Variants in PHLDB2 observed in about 807,000 individuals in gnomAD.
The protein encoded by PHLDB2 is pleckstrin homology-like domain family B member 2.
A neutral mutation model predicts 123.6 loss-of-function variants in PHLDB2; 71 were observed. The ratio of observed to expected loss-of-function variants is 0.57; its 90% CI spans 0.47 to 0.70. The LOEUF (loss-of-function observed/expected upper bound fraction) is 0.70, where lower values mean the gene tolerates loss of function less well. Ranked by LOEUF, PHLDB2 falls within the 30% of genes least tolerant of loss-of-function variation. PHLDB2 has a pLI of 0.00. For synonymous variants in PHLDB2, 547 were observed against 541.6 expected (o/e 1.01, Z -0.14); for missense variants, 1,446 against 1,519.5 (o/e 0.95, Z 0.80).
chr3:111,830,400 TGA>T (rs1305570217), intron 1 of PHLDB2, among the ~76,000 whole-genome samples: 1 of 151,498 alleles, frequency 6.6e-6, no homozygotes, highest in East Asian at 1.9e-4. Flanking sequence ...TGTTAATTTA[TGA>T]GATATCATAT....
intron 1 of PHLDB2, among the ~76,000 whole-genome samples, chr3:111,735,478 A>G (rs76589291): frequency 9.9e-4 from 151 of 152,346 alleles, no homozygotes; most frequent in African/African-American, 3.5e-3. Context: ...TTACAAGATC[A>G]AGATAAAGAA....
chr3:111,769,781 T>C (rs1047668038), intron 1 of PHLDB2, among the ~76,000 whole-genome samples: 28 of 152,260 alleles, frequency 1.8e-4, no homozygotes, highest in African/African-American at 6.8e-4. Flanking sequence ...GTTCCATCTC[T>C]AAACTGTATG....
Position 111,765,277 on chromosome 3 carries a change from T to C in PHLDB2, c.-49+32574T>C, listed in dbSNP as rs141515000. Among the ~76,000 whole-genome samples the C allele has an allele frequency of 4.2e-3, 642 of 152,206 alleles. 2 individuals carry two copies. The highest frequency in any genetic ancestry group is 5.7e-3 in the Non-Finnish European group (385 of 68,002). ...GCACTGAAGGGTGGTGAGAAAAAAA[T>C]GGATGGACCCAAACACCAATGGAAG... On this transcript the variant is annotated intron_variant, in intron 1 of 17. Transcript: ENST00000393923.
intron 16 of PHLDB2, among the ~76,000 whole-genome samples, chr3:111,973,531 G>A (rs2072353035): frequency 6.6e-6 from 1 of 152,156 alleles, no homozygotes; most frequent in African/African-American, 2.4e-5. Context: ...TCGGTTTGCA[G>A]CTAGTAATTT....
chr3:111,834,617 T>C (rs770236993), intron 1 of PHLDB2, among the ~76,000 whole-genome samples: 6 of 151,952 alleles, frequency 3.9e-5, no homozygotes, highest in Non-Finnish European at 7.4e-5. Context: ...CTTTAAGTAC[T>C]CTTGCCCTCA....
chr3:111,761,858 A>G (rs1275700480), intron 1 of PHLDB2, among the ~76,000 whole-genome samples: 2 of 152,298 alleles, frequency 1.3e-5, no homozygotes, highest in East Asian at 1.9e-4. Flanking sequence ...AACCAGCCCA[A>G]CATTTTTTTT....
chr3:111,949,394 G>T (rs1467940099), intron 10 of PHLDB2, among the ~76,000 whole-genome samples: 1 of 152,084 alleles, frequency 6.6e-6, no homozygotes, highest in Non-Finnish European at 1.5e-5. Context: ...TAAAATTGTT[G>T]ATTTGAGTTG....
chr3:111,838,071 C>CAAA (rs1180587208), intron 1 of PHLDB2, among the ~76,000 whole-genome samples: 3 of 142,406 alleles, frequency 2.1e-5, no homozygotes, highest in Non-Finnish European at 3.1e-5. Flanking sequence ...ACAACAACAA[C>CAAA]AAACACACAT....
chr3:111,963,118 G>T (rs1253823331), intron 13 of PHLDB2, among the ~76,000 whole-genome samples: 2 of 152,064 alleles, frequency 1.3e-5, no homozygotes. Context: ...AGCAAAGGTG[G>T]TCTTAACATA....
chr3:111,944,894 C>T (rs564171873), intron 8 of PHLDB2, among the ~76,000 whole-genome samples: 2 of 152,182 alleles, frequency 1.3e-5, no homozygotes, highest in Admixed American at 6.5e-5. Context: ...AGGATGGTCT[C>T]AATCTCGACC....
intron 1 of PHLDB2, among the ~76,000 whole-genome samples, chr3:111,771,872 G>A (rs1007434199): frequency 6.6e-6 from 1 of 152,044 alleles, no homozygotes; most frequent in African/African-American, 2.4e-5. Flanking sequence ...AAGAGTAAAT[G>A]TTTCTTCTTA....
intron 1 of PHLDB2, among the ~76,000 whole-genome samples, chr3:111,811,817 C>G (rs1457906117): frequency 6.6e-6 from 1 of 152,176 alleles, no homozygotes; most frequent in Non-Finnish European, 1.5e-5. Flanking sequence ...TTTGCTCACT[C>G]TAAGCACACT....
At chr3:111,900,237 G>C (rs1260152162) in intron 2 of PHLDB2, among the ~76,000 whole-genome samples, 1 of 152,172 alleles carries the variant, frequency 6.6e-6, no homozygotes, top group African/African-American at 2.4e-5. Context: ...TCATTTGTGC[G>C]TGAAGAATCA....
chr3:111,831,477 C>A (rs78903929), intron 1 of PHLDB2, among the ~76,000 whole-genome samples: 21,924 of 152,102 alleles, frequency 0.14, 1,752 homozygotes, highest in Admixed American at 0.17. Context: ...TTCTTACAGT[C>A]ATCAATTTAA....
intron 1 of PHLDB2, among the ~76,000 whole-genome samples, chr3:111,806,278 C>T (rs917592176): frequency 6.6e-6 from 1 of 152,102 alleles, no homozygotes; most frequent in Non-Finnish European, 1.5e-5. Flanking sequence ...CAGTTTAAAA[C>T]ATACCCATCA....
At chr3:111,800,210 T>A (rs147462301) in intron 1 of PHLDB2, among the ~76,000 whole-genome samples, 126 of 152,274 alleles carry the variant, frequency 8.3e-4, no homozygotes, top group African/African-American at 2.9e-3. Context: ...TTTTGCCATG[T>A]TTCCCCGGCT....
intron 1 of PHLDB2, among the ~76,000 whole-genome samples, chr3:111,802,217 C>T (rs375720825): frequency 2.7e-4 from 41 of 152,348 alleles, no homozygotes; most frequent in South Asian, 1.9e-3. Context: ...ATCTCTATGG[C>T]TCCATGGAGC....
intron 1 of PHLDB2, among the ~76,000 whole-genome samples, chr3:111,841,380 G>T (rs933046023): frequency 4.6e-5 from 7 of 152,142 alleles, no homozygotes; most frequent in Non-Finnish European, 7.3e-5. Flanking sequence ...AAAAGGAAGA[G>T]GAAACTTCTT....
chr3:111,936,934 T>C (rs1396273850), intron 6 of PHLDB2, among the ~76,000 whole-genome samples: 1 of 152,232 alleles, frequency 6.6e-6, no homozygotes, highest in African/African-American at 2.4e-5. Flanking sequence ...GCCATAACAC[T>C]TGAGTTAGTT....
Sources: allele counts gnomAD v4.1 joint callset (sites outside exome capture counted in the v4.1 genomes callset), GRCh38; gene constraint gnomAD v4.1.1; transcripts MANE v1.5; gene names NCBI Gene and HGNC (gene_info 2026-07-23, HGNC 2026-07-21).